The following CELSR3 variants were observed in gnomAD, a reference collection of about 807,000 sequenced individuals.
The protein encoded by CELSR3 is EGF-like protein 1.
CELSR3 carries 73 observed loss-of-function variants against 270.0 expected under a neutral mutation model. The observed-to-expected ratio is 0.27, with a 90% CI of 0.22 to 0.33. The LOEUF (loss-of-function observed/expected upper bound fraction) is 0.33. CELSR3 is among the 10% of genes least tolerant of loss of function. The pLI is 1.00. For synonymous variants in CELSR3, 1,780 were observed against 1,905.4 expected (o/e 0.93, Z 1.71); for missense variants, 3,614 against 4,533.8 (o/e 0.80, Z 5.83).
chr3:48,645,201 G>A lies in CELSR3; in HGVS notation c.7806C>T (p.Cys2602=), dbSNP rs2047069072. ...GIHRTHNQLV[C]TAVAILLHYF... is the part of the protein sequence containing the mutation. Reference sequence around the variant, plus strand: ...AGTGCAGGAGGATGGCGACTGCAGTGCACACCAGCTGAGGGCAGGGGGGCG... The same window carrying A: ...AGTGCAGGAGGATGGCGACTGCAGTACACACCAGCTGAGGGCAGGGGGGCG... Residue 2602 remains cysteine (C), a synonymous_variant, in exon 25 of 35, where the codon TGC becomes TGT. Transcript: ENST00000164024. The surrounding 1 kb of genome is among the most constrained non-coding windows in gnomAD (Gnocchi z 5.4). The A allele has an allele frequency of 1.3e-6, 2 of 1,574,656 alleles. No homozygotes were observed. Among genetic ancestry groups the A allele is most frequent in the Non-Finnish European group, 8.7e-7 (1 of 1,153,660 alleles).
Position 48,642,413 on chromosome 3 carries a change from G to C in CELSR3, c.8610C>G (p.Leu2870=). 1 of 1,613,320 alleles carries C rather than the reference G, an allele frequency of 6.2e-7. No homozygotes were observed. Among genetic ancestry groups the C allele is most frequent in the Non-Finnish European group, 8.5e-7 (1 of 1,179,930 alleles). ...GGTCAGTGGGGCCAGCATGAGCCTG[G>C]AGGCTGTGGTCAGTGTGGTCAGCGG... is the stretch of plus-strand genomic sequence containing the variant. ...GSAADHTDHS[L]QAHAGPTDLD... The change falls in exon 31 of 35, where the codon CTC becomes CTG. Residue 2870 remains leucine (L), a synonymous_variant. Coordinates refer to ENST00000164024, the MANE Select transcript of CELSR3 (RefSeq NM_001407.3). The surrounding 1 kb of genome is among the most constrained non-coding windows in gnomAD (Gnocchi z 6.1).
chr3:48,654,175 G>T lies in CELSR3; in HGVS notation c.5152+114C>A. 1 of 1,516,912 alleles carries T rather than the reference G, an allele frequency of 6.6e-7. No homozygotes were observed. Among genetic ancestry groups the T allele is most frequent in the Non-Finnish European group, 8.9e-7 (1 of 1,117,436 alleles). The allele number at this position is 1,516,912 out of a possible 1,614,324, so 94.0% of individuals were successfully genotyped here. A position where few individuals can be genotyped will look rare whatever the true frequency, so the allele number is the denominator to read the frequency against. ...GTCAGGCCCTAAAATCTGGGCTGTA[G>T]CATGGTGCTTGCCACCAAAGGAGAC... On this transcript the variant is annotated intron_variant, in intron 7 of 34. Coordinates refer to ENST00000164024, the MANE Select transcript of CELSR3 (RefSeq NM_001407.3). The surrounding 1 kb of genome is among the most constrained non-coding windows in gnomAD (Gnocchi z 5.4).
rs1343600597 is a variant in CELSR3 at position 48,661,823 on chromosome 3, G to C, written c.812C>G (p.Pro271Arg). 2 of 1,609,478 alleles carry C rather than the reference G, an allele frequency of 1.2e-6. No individual in the cohort carries two copies. Among genetic ancestry groups the C allele is most frequent in the South Asian group, 1.1e-5 (1 of 90,970 alleles). ...CCGGGAGCGCATGCGCTTGGGCGCC[G>C]GCTCGGGAGCTGTCCGAGACTCGCG... ...APRESRTAPE[P>R]APKRMRSRGL... Residue 271 changes from proline (P) to arginine (R), a missense_variant, in exon 1 of 35, where the codon CCG becomes CGG. Pro to Arg is a moderately radical substitution (Grantham distance 103, BLOSUM62 -2). Coordinates refer to ENST00000164024, the MANE Select transcript of CELSR3 (RefSeq NM_001407.3).
Position 48,640,296 on chromosome 3 carries a change from T to A in CELSR3, c.9289A>T (p.Ser3097Cys). Reference protein sequence around the residue: ...EAPAPVLRPLSRPGSQECMDA... With the variant: ...EAPAPVLRPLCRPGSQECMDA... ...ATGCATTCCTGGGACCCTGGCCGGC[T>A]CAGGGGACGTAGAACAGGGGCAGGG... The change falls in exon 34 of 35, where the codon AGC (serine) becomes TGC (cysteine). Residue 3097 changes from serine to cysteine, a missense_variant. Transcript: ENST00000164024. The surrounding 1 kb of genome is among the most constrained non-coding windows in gnomAD (Gnocchi z 7.5). 1 of 1,612,808 alleles carries A rather than the reference T, an allele frequency of 6.2e-7. No homozygotes were observed. The highest frequency in any genetic ancestry group is 8.5e-7 in the Non-Finnish European group (1 of 1,179,958).
chr3:48,642,874 GC>G lies in CELSR3; in HGVS notation c.8416del (p.Ala2806ProfsTer26). ...CTCAAAGAGAGCCGTGTTGTTGTAG[GC>G]CCCAGGTCCCTGGGGGTGGTAGGGA... The part of the protein sequence containing the change: ...ARPAPGLGPG[A>X]YNNTALFEES... On this transcript the variant is annotated frameshift_variant, in exon 30 of 35. Coordinates refer to ENST00000164024, the MANE Select transcript of CELSR3 (RefSeq NM_001407.3). LOFTEE classifies it high-confidence loss of function. The surrounding 1 kb of genome is among the most constrained non-coding windows in gnomAD (Gnocchi z 6.1). 6.2e-7 allele frequency: 1 copy of G among 1,613,112 alleles called. No homozygotes were observed.
In CELSR3 at chr3:48,640,626, G is replaced by T. The variant is rs1185582454; in HGVS notation, c.9026-67C>A. The stretch of plus-strand genomic sequence containing the variant: ...GGGGAGGGCAGGCAGGAATTGCTGA[G>T]TCTAGGGGTGTGGCAGCCCTTGGGA... On this transcript the variant is annotated intron_variant, in intron 33 of 34. Transcript: ENST00000164024. This position sits in a 1 kb window ranked among gnomAD's most constrained non-coding sequence, Gnocchi z 7.5. 3.5e-6 allele frequency: 5 copies of T among 1,448,746 alleles called. No homozygotes were observed. Among genetic ancestry groups the T allele is most frequent in the Non-Finnish European group, 4.6e-6 (5 of 1,089,832 alleles). The allele number at this position is 1,448,746 out of a possible 1,614,324, so 89.7% of individuals were successfully genotyped here.
In CELSR3 at chr3:48,645,824, A is replaced by G; in HGVS notation, c.7508T>C (p.Val2503Ala). The part of the protein sequence containing the change: ...GVWTARDCEL[V>A]HRNGSHARCR... ...CCGTGCGTGGGACCCATTCCTGTGCACCAGCTCGCAGTCCCGTGCTGTCCA... is the reference window on the plus strand; with the variant it reads ...CCGTGCGTGGGACCCATTCCTGTGCGCCAGCTCGCAGTCCCGTGCTGTCCA... The change falls in exon 23 of 35, where the codon GTG becomes GCG. Residue 2503 changes from valine to alanine, a missense_variant. Val to Ala is a moderately conservative substitution (Grantham distance 64). Transcript: ENST00000164024. This position sits in a 1 kb window ranked among gnomAD's most constrained non-coding sequence, Gnocchi z 5.4. The G allele has an allele frequency of 6.2e-7, 1 of 1,610,990 alleles. No homozygotes were observed. Among genetic ancestry groups the G allele is most frequent in the Non-Finnish European group, 8.5e-7 (1 of 1,179,212 alleles).
chr3:48,651,493 G>A lies in CELSR3; in HGVS notation c.6066-14C>T, dbSNP rs375729405. 6.8e-6 allele frequency: 11 copies of A among 1,613,368 alleles called. No individual in the cohort carries two copies. Among genetic ancestry groups the A allele is most frequent in the Non-Finnish European group, 9.3e-6 (11 of 1,179,694 alleles). On this transcript the variant is annotated splice_polypyrimidine_tract_variant and intron_variant, in intron 13 of 34. Coordinates refer to ENST00000164024, the MANE Select transcript of CELSR3 (RefSeq NM_001407.3). This position sits in a 1 kb window ranked among gnomAD's most constrained non-coding sequence, Gnocchi z 7.4. ...TGCTGGTCCATCCTGGGGGTGCAGA[G>A]CCAGGTAAGATGCCTCCACGGTATC...
chr3:48,654,989 T>C lies in CELSR3; in HGVS notation c.4988+55A>G. 5 of 1,545,004 alleles carry C rather than the reference T, an allele frequency of 3.2e-6. No homozygotes were observed. Among genetic ancestry groups the C allele is most frequent in the Non-Finnish European group, 4.5e-6 (5 of 1,118,686 alleles). On this transcript the variant is annotated intron_variant, in intron 6 of 34. Coordinates refer to ENST00000164024, the MANE Select transcript of CELSR3 (RefSeq NM_001407.3). This position sits in a 1 kb window ranked among gnomAD's most constrained non-coding sequence, Gnocchi z 5.4. ...GGGATGAGGAATGGGATGTGAAGGGTTGGAGTGGGCTTTGGTAGGCAGGGG... is the reference window on the plus strand; with the variant it reads ...GGGATGAGGAATGGGATGTGAAGGGCTGGAGTGGGCTTTGGTAGGCAGGGG...
At position 48,639,788 on chromosome 3, in the gene CELSR3, G is replaced by T. The variant is rs1390561617; in HGVS notation, c.9797C>A (p.Thr3266Lys). ...SALSSVQSSS[T>K]PLGPHTTATP... ...GGCAGTGGTGTGAGGGCCCAAGGGT[G>T]TGCTTGAAGATTGCACAGAGGAGAG... The change falls in exon 34 of 35, where the codon ACA (threonine) becomes AAA (lysine). Residue 3266 changes from threonine to lysine, a missense_variant. By Grantham distance (78) the Thr-to-Lys change is moderately conservative (BLOSUM62 -1). Around this residue, in one of 7 missense-constraint regions of CELSR3, gnomAD observed 1,240 missense variants for 1,351.7 expected, o/e 0.92. Transcript: ENST00000164024. The surrounding 1 kb of genome is among the most constrained non-coding windows in gnomAD (Gnocchi z 4.1). 1 of 1,613,884 alleles carries T rather than the reference G, an allele frequency of 6.2e-7. No individual in the cohort carries two copies.
Position 48,656,699 on chromosome 3 carries a change from G to T in CELSR3, c.4398C>A (p.Thr1466=), listed in dbSNP as rs539127037. 6.7e-6 allele frequency: 10 copies of T among 1,485,102 alleles called. No homozygotes were observed. The Admixed American group carries it at 2.4e-4, about 36-fold the overall frequency. 92.0% of individuals were successfully genotyped at this position (1,485,102 alleles called of 1,614,324 possible). The change falls in exon 2 of 35, where the codon ACC becomes ACA. Residue 1466 remains threonine, a splice_region_variant and synonymous_variant. Transcript: ENST00000164024. Reference sequence around the variant, plus strand: ...GCTCTGGCCCGGCGCCCTGCTCACCGGTGAAGCGCGGGCGGCAGACGCACG... The same window carrying T: ...GCTCTGGCCCGGCGCCCTGCTCACCTGTGAAGCGCGGGCGGCAGACGCACG... ...GYTCVCRPRF[T]GEDCELDTEA...
At position 48,661,445 on chromosome 3, in the gene CELSR3, T is replaced by G. The variant is rs768530141; in HGVS notation, c.1190A>C (p.Glu397Ala). 6.2e-7 allele frequency: 1 copy of G among 1,610,736 alleles called. No homozygotes were observed. The highest frequency in any genetic ancestry group is 1.7e-5 in the Admixed American group (1 of 59,800). ...CGCGGTCACACGCAGGTAGTGACGC[T>G]CCATGCTCTCGCGGTCCAGAGCTGC... is the stretch of plus-strand genomic sequence containing the variant. ...TAAALDRESM[E>A]RHYLRVTAQD... Residue 397 changes from glutamate (E) to alanine (A), a missense_variant, in exon 1 of 35, where the codon GAG becomes GCG. Coordinates refer to ENST00000164024, the MANE Select transcript of CELSR3 (RefSeq NM_001407.3).
At chr3:48,656,087 G>T in intron 3 of CELSR3, 53 bp downstream of exon 3, 1 of 1,496,728 alleles carries the variant, frequency 6.7e-7, no homozygotes, top group Non-Finnish European at 9.0e-7. Flanking sequence ...TCTGAGTCAG[G>T]GCGGGTAGGT....
Position 48,637,998 on chromosome 3 carries a change from T to C in CELSR3, c.*207A>G, listed in dbSNP as rs1038098324. The C allele has an allele frequency of 3.8e-6, 2 of 526,380 alleles. No individual in the cohort carries two copies. Among genetic ancestry groups the C allele is most frequent in the African/African-American group, 3.8e-5 (2 of 52,628 alleles). 32.6% of individuals were successfully genotyped at this position (526,380 alleles called of 1,614,324 possible). On this transcript the variant is annotated 3_prime_UTR_variant, in exon 35 of 35. Coordinates refer to ENST00000164024, the MANE Select transcript of CELSR3 (RefSeq NM_001407.3). The stretch of plus-strand genomic sequence containing the variant: ...CAAAGGTACAAAACGTATAAAAGTC[T>C]CCCTCCAGTCCCCCGTCTCTGCACC...
rs1186530428 is a variant in CELSR3 at position 48,642,722 on chromosome 3, G to A, written c.8555+14C>T. 59 of 1,606,002 alleles carry A rather than the reference G, an allele frequency of 3.7e-5. No homozygotes were observed. Among genetic ancestry groups the A allele is most frequent in the Non-Finnish European group, 4.5e-5 (53 of 1,178,660 alleles). On this transcript the variant is annotated intron_variant, in intron 30 of 34. Coordinates refer to ENST00000164024, the MANE Select transcript of CELSR3 (RefSeq NM_001407.3). This position sits in a 1 kb window ranked among gnomAD's most constrained non-coding sequence, Gnocchi z 6.1. Reference sequence around the variant, plus strand: ...AAGCTGAGTGTTCCCTCACAAGGAGGCTCTTCCTCTCACCTGAGGTAGCTG... The same window carrying A: ...AAGCTGAGTGTTCCCTCACAAGGAGACTCTTCCTCTCACCTGAGGTAGCTG...
rs760333114 is a variant in CELSR3 at position 48,661,684 on chromosome 3, G to A, written c.951C>T (p.Arg317=). 3.2e-6 allele frequency: 5 copies of A among 1,579,660 alleles called. No individual in the cohort carries two copies. The South Asian group carries it at 3.4e-5, about 11-fold the overall frequency. ...GAAACTGCGGGTGGCGGTTTGCGGCGCGACGAAAGCGTGCCCGGTTCGCCG... is the reference window on the plus strand; with the variant it reads ...GAAACTGCGGGTGGCGGTTTGCGGCACGACGAAAGCGTGCCCGGTTCGCCG... ...VTSANRARFR[R]AANRHPQFPQ... is the part of the protein sequence containing the mutation. The change falls in exon 1 of 35, where the codon CGC becomes CGT. Residue 317 remains arginine (R), a synonymous_variant. Coordinates refer to ENST00000164024, the MANE Select transcript of CELSR3 (RefSeq NM_001407.3).
In CELSR3 at chr3:48,655,443, A is replaced by G. The variant is rs748946365; in HGVS notation, c.4742-49T>C. On this transcript the variant is annotated intron_variant, in intron 4 of 34. Coordinates refer to ENST00000164024, the MANE Select transcript of CELSR3 (RefSeq NM_001407.3). This position sits in a 1 kb window ranked among gnomAD's most constrained non-coding sequence, Gnocchi z 5.8. ...TCATCAGGAGCAGCGGAGTCGCCCC[A>G]TCCCACCCGTCATATAAGCACAACC... 6.3e-7 allele frequency: 1 copy of G among 1,584,136 alleles called. No individual in the cohort carries two copies.
chr3:48,661,226 T>A lies in CELSR3; in HGVS notation c.1409A>T (p.Tyr470Phe), dbSNP rs1372534242. The change falls in exon 1 of 35, where the codon TAC (tyrosine) becomes TTC (phenylalanine). Residue 470 changes from tyrosine to phenylalanine, a missense_variant. Tyr to Phe is a conservative substitution (Grantham distance 22). Around this residue, in one of 7 missense-constraint regions of CELSR3, gnomAD observed 354 missense variants for 500.9 expected, o/e 0.71. Coordinates refer to ENST00000164024, the MANE Select transcript of CELSR3 (RefSeq NM_001407.3). ...GDAPPNANLR[Y>F]RFVGPPAARA... The stretch of plus-strand genomic sequence containing the variant: ...CGCAGCTGGCGGCCCCACGAAGCGG[T>A]AGCGCAGGTTGGCGTTGGGGGGCGC... The A allele has an allele frequency of 6.2e-7, 1 of 1,605,296 alleles. No individual in the cohort carries two copies. Among genetic ancestry groups the A allele is most frequent in the Non-Finnish European group, 8.5e-7 (1 of 1,175,426 alleles).
Position 48,641,802 on chromosome 3 carries a change from C to A in CELSR3, c.8824+49G>T. On this transcript the variant is annotated intron_variant, in intron 32 of 34. Coordinates refer to ENST00000164024, the MANE Select transcript of CELSR3 (RefSeq NM_001407.3). The surrounding 1 kb of genome is among the most constrained non-coding windows in gnomAD (Gnocchi z 4.8). ...GAAAGATGGGGAGCTGGAGGGATAA[C>A]AAATGGGGCATCCCTTGGTCACCCA... 7.0e-7 allele frequency: 1 copy of A among 1,421,194 alleles called. No individual in the cohort carries two copies. Among genetic ancestry groups the A allele is most frequent in the South Asian group, 1.6e-5 (1 of 64,304 alleles). 88.0% of individuals were successfully genotyped at this position (1,421,194 alleles called of 1,614,324 possible).
Sources: gnomAD v4.1 joint callset for allele counts on GRCh38, gnomAD v4.1.1 for gene constraint, gnomAD v4.1.1 regional missense constraint, Gnocchi (gnomAD v3.1) non-coding constraint, MANE v1.5 for transcripts, NCBI Gene and HGNC (gene_info 2026-07-23, HGNC 2026-07-21) for gene names.